The following ZBTB16 variants were observed in gnomAD, a reference collection of about 807,000 sequenced individuals.
ZBTB16 encodes zinc finger and BTB domain containing 16.
ZBTB16 carries 8 observed loss-of-function variants against 56.8 expected under a neutral mutation model. That is an observed-to-expected ratio of 0.14 (90% CI 0.08 to 0.25). ZBTB16 has a LOEUF of 0.25. Among genes scored for constraint, ZBTB16 ranks in the 10% least tolerant of loss-of-function variants. ZBTB16 has a pLI of 1.00. For missense variants in ZBTB16, 625 were observed against 903.0 expected, an observed-to-expected ratio of 0.69 and a Z score of 3.95; for synonymous variants, 363 against 368.5, an observed-to-expected ratio of 0.98 and a Z score of 0.17.
At chr11:114,182,825 A>G (rs191511297) in intron 3 of ZBTB16, among the ~76,000 whole-genome samples, 7 of 152,358 alleles carry the variant, frequency 4.6e-5, no homozygotes, top group Admixed American at 3.9e-4. Flanking sequence ...CAAACCTGAC[A>G]TCATACTGAA....
intron 2 of ZBTB16, among the ~76,000 whole-genome samples, chr11:114,141,993 T>C (rs1432569179): frequency 6.6e-6 from 1 of 152,250 alleles, no homozygotes; most frequent in Non-Finnish European, 1.5e-5. Flanking sequence ...TCACTTTTCG[T>C]GTCTCTGACA....
chr11:114,195,311 C>T (rs555751511), intron 4 of ZBTB16, among the ~76,000 whole-genome samples: 5 of 152,256 alleles, frequency 3.3e-5, no homozygotes, highest in South Asian at 4.1e-4. Flanking sequence ...TCAACTCTTT[C>T]AGTCCATCTG....
intron 3 of ZBTB16, among the ~76,000 whole-genome samples, chr11:114,178,457 AC>A (rs1438044975): frequency 6.6e-6 from 1 of 152,300 alleles, no homozygotes; most frequent in African/African-American, 2.4e-5. Flanking sequence ...TAGAACTGGG[AC>A]TTGAACCAGA....
At chr11:114,085,518 A>G (rs565279001) in intron 2 of ZBTB16, among the ~76,000 whole-genome samples, 68 of 151,514 alleles carry the variant, frequency 4.5e-4, no homozygotes, top group Middle Eastern at 3.4e-3. Context: ...GTGTGTGTGT[A>G]TATATATATA....
chr11:114,192,788 C>A (rs960471745), intron 4 of ZBTB16, among the ~76,000 whole-genome samples: 1 of 152,180 alleles, frequency 6.6e-6, no homozygotes, highest in Non-Finnish European at 1.5e-5. Flanking sequence ...TATTGCTAGA[C>A]CGCATGTAAC....
intron 4 of ZBTB16, among the ~76,000 whole-genome samples, chr11:114,197,328 C>T (rs1009757307): frequency 5.9e-5 from 9 of 152,256 alleles, no homozygotes; most frequent in Admixed American, 3.3e-4. Context: ...GTGGACTCTG[C>T]CCTTCCCTTC....
chr11:114,083,484 C>T (rs1176275580), intron 2 of ZBTB16, among the ~76,000 whole-genome samples: 1 of 152,122 alleles, frequency 6.6e-6, no homozygotes, highest in African/African-American at 2.4e-5. Flanking sequence ...CGTGGTAGAA[C>T]ATATATTGTA....
At position 114,088,172 on chromosome 11, in the gene ZBTB16, C is replaced by T. The variant is rs532133468; in HGVS notation, c.1268+23604C>T. Among the ~76,000 whole-genome samples the T allele has an allele frequency of 8.7e-5, 12 of 138,568 alleles. No homozygotes were observed. In the East Asian group the frequency reaches 2.3e-3, roughly 26 times the overall value. 90.9% of individuals were successfully genotyped at this position (138,568 alleles called of 152,430 possible). Reference sequence around the variant, plus strand: ...TTTTTTTTTTTTTGATACAGAGTCTCACTCTGTTGCCCAGGCTGGAGTGTA... The same window carrying T: ...TTTTTTTTTTTTTGATACAGAGTCTTACTCTGTTGCCCAGGCTGGAGTGTA... On this transcript the variant is annotated intron_variant, in intron 2 of 6. Coordinates refer to ENST00000335953, the MANE Select transcript of ZBTB16 (RefSeq NM_006006.6).
chr11:114,199,955 T>C (rs181715401), intron 4 of ZBTB16, among the ~76,000 whole-genome samples: 20 of 152,000 alleles, frequency 1.3e-4, no homozygotes, highest in African/African-American at 4.6e-4. Context: ...GGTGAAACCC[T>C]GTCTCTACTA....
In ZBTB16 at chr11:114,064,195, C is replaced by T. The variant is rs925443770; in HGVS notation, c.895C>T (p.Arg299Ter). The stretch of plus-strand genomic sequence containing the variant: ...CAGTGCTAGGGAGCTACACTATGGG[C>T]GAGAGGAGAGTGCCGAGCAGGTGCC... ...ITSARELHYGREESAEQVPPP... is the reference protein window; with the variant it reads ...ITSARELHYG The change falls in exon 2 of 7, where the codon CGA (arginine) becomes TGA (stop). Residue 299 changes from arginine (R) to a stop codon, truncating the protein, a stop_gained. Coordinates refer to ENST00000335953, the MANE Select transcript of ZBTB16 (RefSeq NM_006006.6). LOFTEE classifies it high-confidence loss of function. This position sits in a 1 kb window ranked among gnomAD's most constrained non-coding sequence, Gnocchi z 4.2. 3 of 1,613,888 alleles carry T rather than the reference C, an allele frequency of 1.9e-6. No individual in the cohort carries two copies. Among genetic ancestry groups the T allele is most frequent in the Non-Finnish European group, 2.5e-6 (3 of 1,180,002 alleles).
intron 2 of ZBTB16, among the ~76,000 whole-genome samples, chr11:114,132,029 A>T (rs1941675114): frequency 6.6e-6 from 1 of 152,166 alleles, no homozygotes; most frequent in South Asian, 2.1e-4. Context: ...GGCGGAAGTT[A>T]GGAAGACTGA....
chr11:114,215,733 C>A (rs1208398052), intron 4 of ZBTB16, among the ~76,000 whole-genome samples: 2 of 152,138 alleles, frequency 1.3e-5, no homozygotes, highest in Non-Finnish European at 2.9e-5. Context: ...TATATAGATG[C>A]CCTTATCTTT....
intron 2 of ZBTB16, among the ~76,000 whole-genome samples, chr11:114,145,958 G>A (rs1942087340): frequency 1.3e-5 from 2 of 152,154 alleles, no homozygotes. Context: ...ATATATAACT[G>A]AAAATTGTGT....
intron 3 of ZBTB16, among the ~76,000 whole-genome samples, chr11:114,159,943 G>A (rs1481616762): frequency 6.9e-6 from 1 of 145,008 alleles, no homozygotes; most frequent in Non-Finnish European, 1.5e-5. Context: ...GAGGCGGGGG[G>A]GAGGCGAGCA....
At chr11:114,083,363 G>A (rs749110611) in intron 2 of ZBTB16, among the ~76,000 whole-genome samples, 24 of 152,204 alleles carry the variant, frequency 1.6e-4, no homozygotes, top group Non-Finnish European at 2.6e-4. Context: ...TTCCCTGCCC[G>A]AAACCCACTG....
At chr11:114,153,187 C>T (rs187824062) in intron 2 of ZBTB16, among the ~76,000 whole-genome samples, 253 of 152,288 alleles carry the variant, frequency 1.7e-3, no homozygotes, top group Non-Finnish European at 2.3e-3. Context: ...TTCACTTTTC[C>T]ACATTCTTCC....
At chr11:114,152,421 AG>A in intron 2 of ZBTB16, among the ~76,000 whole-genome samples, 1 of 152,246 alleles carries the variant, frequency 6.6e-6, no homozygotes, top group Non-Finnish European at 1.5e-5. Flanking sequence ...TCTTGTCAAA[AG>A]GTTCAGATTT....
chr11:114,235,803 T>G (rs1345323651), intron 4 of ZBTB16, among the ~76,000 whole-genome samples: 1 of 150,974 alleles, frequency 6.6e-6, no homozygotes, highest in Non-Finnish European at 1.5e-5. Flanking sequence ...TTTTTTTTTT[T>G]TTGCTAAAAT....
At chr11:114,088,318 T>A (rs563381406) in intron 2 of ZBTB16, among the ~76,000 whole-genome samples, 1 of 152,120 alleles carries the variant, frequency 6.6e-6, no homozygotes, top group East Asian at 1.9e-4. Flanking sequence ...ATTTTTGTAT[T>A]TTTAGTAGAG....
Sources: allele counts gnomAD v4.1 joint callset (sites outside exome capture counted in the v4.1 genomes callset), GRCh38; gene constraint gnomAD v4.1.1; non-coding constraint Gnocchi (gnomAD v3.1); transcripts MANE v1.5; gene names NCBI Gene and HGNC (gene_info 2026-07-23, HGNC 2026-07-21).